Variants in RABGAP1L observed in about 807,000 individuals in gnomAD.
RABGAP1L encodes the protein RAB GTPase activating protein 1 like, also known as rab GTPase-activating protein 1-like.
In RABGAP1L, 63 loss-of-function variants were observed where a neutral mutation model predicts 137.7. That is an observed-to-expected ratio of 0.46 (90% CI 0.37 to 0.56). The LOEUF is 0.56. RABGAP1L is among the 20% of genes least tolerant of loss of function. The pLI is 0.00. For synonymous variants in RABGAP1L, 431 were observed against 433.7 expected, an observed-to-expected ratio of 0.99 and a Z score of 0.08; for missense variants, 1,095 against 1,244.0, an observed-to-expected ratio of 0.88 and a Z score of 1.80.
chr1:174,680,963 A>G (rs1678020961), intron 14 of RABGAP1L, among the ~76,000 whole-genome samples: 1 of 152,210 alleles, frequency 6.6e-6, no homozygotes, highest in African/African-American at 2.4e-5. Flanking sequence ...ATATGTATCA[A>G]TTGTCTAAAA....
At chr1:174,727,435 T>TA (rs1682078930) in intron 17 of RABGAP1L, among the ~76,000 whole-genome samples, 1 of 152,222 alleles carries the variant, frequency 6.6e-6, no homozygotes, top group Non-Finnish European at 1.5e-5. Context: ...TCTGCACATC[T>TA]AACTTTTACT....
chr1:174,940,518 TCCTTTCATCTCAG>T (rs1665696775), intron 19 of RABGAP1L, among the ~76,000 whole-genome samples: 1 of 152,156 alleles, frequency 6.6e-6, no homozygotes, highest in African/African-American at 2.4e-5. Flanking sequence ...GCTCAAGTGA[TCCTTTCATCTCAG>T]CCTCCCAAAA....
At chr1:174,546,797 A>G (rs2142633) in intron 13 of RABGAP1L, among the ~76,000 whole-genome samples, 88,164 of 151,702 alleles carry the variant, frequency 0.58, 27,927 homozygotes, top group African/African-American at 0.85. Context: ...TTGGGAGGCC[A>G]AGGCAGGCGG....
intron 20 of RABGAP1L, among the ~76,000 whole-genome samples, chr1:174,967,597 C>G (rs1054158400): frequency 4.6e-5 from 7 of 152,030 alleles, no homozygotes; most frequent in Non-Finnish European, 7.4e-5. Flanking sequence ...CCTCAGCCAC[C>G]CAAAGTGCTG....
intron 14 of RABGAP1L, among the ~76,000 whole-genome samples, chr1:174,640,588 A>G (rs947567579): frequency 2.0e-5 from 3 of 152,184 alleles, no homozygotes; most frequent in East Asian, 3.9e-4. Flanking sequence ...AACTAGCATT[A>G]TACCTCACAC....
At chr1:174,966,859 C>G (rs1403251623) in intron 20 of RABGAP1L, among the ~76,000 whole-genome samples, 1 of 146,838 alleles carries the variant, frequency 6.8e-6, no homozygotes, top group Admixed American at 6.6e-5. Flanking sequence ...GACCTTCTAA[C>G]AGAAGTGGAC....
intron 19 of RABGAP1L, among the ~76,000 whole-genome samples, chr1:174,869,378 C>T (rs1651814591): frequency 6.6e-6 from 1 of 152,078 alleles, no homozygotes; most frequent in African/African-American, 2.4e-5. Flanking sequence ...TGAGTTCTCA[C>T]AAGATCTGAT....
intron 18 of RABGAP1L, among the ~76,000 whole-genome samples, chr1:174,768,209 A>C (rs1485791444): frequency 1.3e-5 from 2 of 152,240 alleles, no homozygotes; most frequent in Non-Finnish European, 2.9e-5. Flanking sequence ...GTACTGGCAG[A>C]ATAGGTAACT....
At position 174,221,173 on chromosome 1, in the gene RABGAP1L, T is replaced by A; in HGVS notation, c.331+9T>A. 6.6e-7 allele frequency: 1 copy of A among 1,525,520 alleles called. No homozygotes were observed. The highest frequency in any genetic ancestry group is 1.4e-5 in the African/African-American group (1 of 71,226). 94.5% of individuals were successfully genotyped at this position (1,525,520 alleles called of 1,614,324 possible). On this transcript the variant is annotated intron_variant, in intron 3 of 25. Transcript: ENST00000681986. ...GGATCCGTCTAACACAGGTACTGTA[T>A]TGAATTCTTAGAAACTATTAAAGAA...
intron 13 of RABGAP1L, among the ~76,000 whole-genome samples, chr1:174,446,716 G>A (rs1356012573): frequency 6.6e-6 from 1 of 152,102 alleles, no homozygotes; most frequent in Non-Finnish European, 1.5e-5. Context: ...TCAAAATAGA[G>A]TACAGAAAAA....
At chr1:174,956,293 C>T (rs890881233) in intron 19 of RABGAP1L, among the ~76,000 whole-genome samples, 1 of 119,772 alleles carries the variant, frequency 8.3e-6, no homozygotes, top group East Asian at 2.5e-4. Context: ...GGAACTTGTG[C>T]GCTCAAGCAA....
chr1:174,254,229 G>A (rs970375274), intron 7 of RABGAP1L, among the ~76,000 whole-genome samples: 1 of 152,154 alleles, frequency 6.6e-6, no homozygotes, highest in Admixed American at 6.6e-5. Context: ...TGCTTGCAAA[G>A]TTTGGCCATA....
intron 7 of RABGAP1L, among the ~76,000 whole-genome samples, chr1:174,264,851 A>G (rs1673915416): frequency 6.6e-6 from 1 of 152,148 alleles, no homozygotes; most frequent in Non-Finnish European, 1.5e-5. Context: ...AAAAAACAAA[A>G]GAAATGACAA....
At chr1:174,892,045 G>A (rs1307910414) in intron 19 of RABGAP1L, among the ~76,000 whole-genome samples, 1 of 152,216 alleles carries the variant, frequency 6.6e-6, no homozygotes, top group African/African-American at 2.4e-5. Flanking sequence ...GTGGGCCACA[G>A]TCCGGGTGGG....
At chr1:174,581,678 G>A (rs930879746) in intron 13 of RABGAP1L, among the ~76,000 whole-genome samples, 2 of 152,026 alleles carry the variant, frequency 1.3e-5, no homozygotes, top group African/African-American at 2.4e-5. Flanking sequence ...CGCTTTAAAC[G>A]GGTAAATTTT....
At chr1:174,373,581 A>C (rs1685279023) in intron 12 of RABGAP1L, among the ~76,000 whole-genome samples, 1 of 152,180 alleles carries the variant, frequency 6.6e-6, no homozygotes, top group Admixed American at 6.5e-5. Context: ...AGGGCAGGGG[A>C]CAACTGTTTA....
At chr1:174,261,609 T>C (rs903149801) in intron 7 of RABGAP1L, among the ~76,000 whole-genome samples, 1 of 152,208 alleles carries the variant, frequency 6.6e-6, no homozygotes, top group Non-Finnish European at 1.5e-5. Context: ...TTTTTTAGTG[T>C]GAGTTGACAT....
intron 13 of RABGAP1L, chr1:174,449,279 A>G (rs1184929843): frequency 1.7e-6 from 2 of 1,204,146 alleles, no homozygotes; most frequent in African/African-American, 3.0e-5. Flanking sequence ...TTGCCATCAG[A>G]GAAATATTTA....
chr1:174,746,749 T>C (rs534850697), intron 17 of RABGAP1L, among the ~76,000 whole-genome samples: 2 of 152,360 alleles, frequency 1.3e-5, no homozygotes, highest in Admixed American at 1.3e-4. Flanking sequence ...TTATTAGCTA[T>C]TGGACTTAGG....
Sources: allele counts gnomAD v4.1 joint callset (sites outside exome capture counted in the v4.1 genomes callset), GRCh38; gene constraint gnomAD v4.1.1; transcripts MANE v1.5; gene names NCBI Gene and HGNC (gene_info 2026-07-23, HGNC 2026-07-21).